Variants in COL19A1 observed in about 807,000 individuals in gnomAD.
COL19A1 encodes the protein collagen alpha-1(XIX) chain.
A neutral mutation model predicts 190.2 loss-of-function variants in COL19A1; 159 were observed. That is an observed-to-expected ratio of 0.84 (90% confidence interval 0.73 to 0.95). The LOEUF (loss-of-function observed/expected upper bound fraction) is 0.95, where lower values mean the gene tolerates loss of function less well. Ranked by LOEUF, COL19A1 falls within the 40% of genes least tolerant of loss-of-function variation. The probability of loss-of-function intolerance (pLI) is 0.00; values close to 1 mark genes in which losing one functional copy is unlikely to be tolerated. For missense variants in COL19A1, 1,418 were observed against 1,431.9 expected, an observed-to-expected ratio of 0.99 and a Z score of 0.16; for synonymous variants, 509 against 458.9, an observed-to-expected ratio of 1.11 and a Z score of -1.39.
rs1343707161 is a variant in COL19A1 at position 70,045,833 on chromosome 6, C to G, written c.1170+9894C>G. On this transcript the variant is annotated intron_variant, in intron 14 of 50. Coordinates refer to ENST00000620364, the MANE Select transcript of COL19A1 (RefSeq NM_001858.6). ...CTGTAGGCTTTCTATTTAGCTAACC[C>G]ATGACCCAGACTTGAGCCTGTCCTC... 2.0e-5 allele frequency among the ~76,000 whole-genome samples: 3 copies of G among 152,210 alleles called. No homozygotes were observed. The East Asian group carries it at 5.8e-4, about 29-fold the overall frequency.
At chr6:70,126,930 A>C (rs1785237853) in intron 17 of COL19A1, among the ~76,000 whole-genome samples, 1 of 152,208 alleles carries the variant, frequency 6.6e-6, no homozygotes, top group African/African-American at 2.4e-5. Flanking sequence ...TGTACCTTTT[A>C]AGTTTTCTAT....
chr6:69,915,538 C>T (rs879560136), intron 4 of COL19A1, among the ~76,000 whole-genome samples: 7 of 152,132 alleles, frequency 4.6e-5, no homozygotes, highest in Non-Finnish European at 7.4e-5. Context: ...AGACCAGATA[C>T]TTCACCTTCA....
At chr6:70,205,327 C>T (rs552553873) in intron 49 of COL19A1, among the ~76,000 whole-genome samples, 1 of 152,088 alleles carries the variant, frequency 6.6e-6, no homozygotes, top group African/African-American at 2.4e-5. Context: ...AAAATGATAA[C>T]CCCTGCTATC....
intron 16 of COL19A1, among the ~76,000 whole-genome samples, chr6:70,115,554 G>A (rs1784513035): frequency 6.6e-6 from 1 of 152,022 alleles, no homozygotes; most frequent in South Asian, 2.1e-4. Flanking sequence ...TAAGACTTTT[G>A]TTAGGACATT....
In COL19A1 at chr6:70,032,707, G is replaced by A. The variant is rs922493348; in HGVS notation, c.1081-1538G>A. 8.6e-5 allele frequency among the ~76,000 whole-genome samples: 13 copies of A among 152,018 alleles called. No homozygotes were observed. In the East Asian group the frequency reaches 1.2e-3, roughly 14 times the overall value. The stretch of plus-strand genomic sequence containing the variant: ...TCATAATACACCTCAATTCAGAGTA[G>A]TCACATTTCAAGAGTTCGAAAGCTA... On this transcript the variant is annotated intron_variant, in intron 12 of 50. Coordinates refer to ENST00000620364, the MANE Select transcript of COL19A1 (RefSeq NM_001858.6).
At chr6:70,127,312 T>C (rs1246459340) in intron 17 of COL19A1, among the ~76,000 whole-genome samples, 1 of 152,146 alleles carries the variant, frequency 6.6e-6, no homozygotes, top group East Asian at 1.9e-4. Context: ...CCAGAATGTC[T>C]TTTGAAGGTA....
At chr6:69,900,213 A>G (rs1429006699) in intron 3 of COL19A1, 26 bp from the exon 4 acceptor site, 20 of 1,394,720 alleles carry the variant, frequency 1.4e-5, no homozygotes, top group Non-Finnish European at 2.0e-5. Flanking sequence ...AGTTTATTAA[A>G]TTGAATCATC....
chr6:70,112,218 TG>T (rs1334914334), intron 16 of COL19A1, among the ~76,000 whole-genome samples: 2 of 152,156 alleles, frequency 1.3e-5, no homozygotes, highest in African/African-American at 4.8e-5. Context: ...GTATGGTTTT[TG>T]TTGGTGGTGA....
chr6:70,009,058 C>G lies in COL19A1; in HGVS notation c.1027-14569C>G, dbSNP rs144017242. ...CAAAAATTGTGAGTATTATCTTTCA[C>G]TTAATGGTGAAAGACTGAACTCTAA... On this transcript the variant is annotated intron_variant, in intron 11 of 50. Coordinates refer to ENST00000620364, the MANE Select transcript of COL19A1 (RefSeq NM_001858.6). 2.8e-3 allele frequency among the ~76,000 whole-genome samples: 429 copies of G among 152,044 alleles called. 3 individuals carry two copies. Among genetic ancestry groups the G allele is most frequent in the African/African-American group, 9.6e-3 (398 of 41,550 alleles).
At chr6:70,031,324 G>A (rs775590462) in intron 12 of COL19A1, among the ~76,000 whole-genome samples, 2 of 151,878 alleles carry the variant, frequency 1.3e-5, no homozygotes, top group Non-Finnish European at 2.9e-5. Flanking sequence ...AGGATGTTTA[G>A]GTTGTCCATT....
At chr6:69,918,676 T>C (rs916083865) in intron 4 of COL19A1, among the ~76,000 whole-genome samples, 3 of 152,018 alleles carry the variant, frequency 2.0e-5, no homozygotes, top group African/African-American at 7.2e-5. Flanking sequence ...TCTGCACTCC[T>C]GCCTGGGTGA....
chr6:69,912,132 C>T (rs1055914854), intron 4 of COL19A1, among the ~76,000 whole-genome samples: 1 of 152,130 alleles, frequency 6.6e-6, no homozygotes, highest in Non-Finnish European at 1.5e-5. Context: ...CTTTTCTGCC[C>T]ATTGGAATCC....
rs1765808047 is a variant in COL19A1 at position 70,176,444 on chromosome 6, A to G, written c.2623-76A>G. The G allele has an allele frequency of 2.7e-6, 4 of 1,477,294 alleles. No individual in the cohort carries two copies. In the Admixed American group the frequency reaches 7.3e-5, roughly 27 times the overall value. The allele number at this position is 1,477,294 out of a possible 1,614,324, so 91.5% of individuals were successfully genotyped here. ...AGGAAAGCTTTACCAAATCCAAATT[A>G]TTATTTGAGAATTAATTTCATAACT... On this transcript the variant is annotated intron_variant, in intron 41 of 50. Transcript: ENST00000620364.
intron 16 of COL19A1, among the ~76,000 whole-genome samples, chr6:70,113,391 A>G (rs1248288661): frequency 1.3e-5 from 2 of 152,200 alleles, no homozygotes; most frequent in Admixed American, 1.3e-4. Context: ...GCACTATTGT[A>G]GTCTTAAGTG....
intron 11 of COL19A1, among the ~76,000 whole-genome samples, chr6:69,970,984 G>A (rs1368886630): frequency 6.6e-6 from 1 of 152,098 alleles, no homozygotes; most frequent in African/African-American, 2.4e-5. Context: ...CCACAGCCAA[G>A]CCAGAGGCTT....
At chr6:70,110,052 T>A (rs1301166209) in intron 16 of COL19A1, among the ~76,000 whole-genome samples, 5 of 152,200 alleles carry the variant, frequency 3.3e-5, no homozygotes, top group Admixed American at 2.6e-4. Context: ...AGGAAAGTTA[T>A]TATTTTCAGC....
chr6:70,100,558 A>G (rs1325796294), intron 15 of COL19A1, among the ~76,000 whole-genome samples: 1 of 140,812 alleles, frequency 7.1e-6, no homozygotes, highest in Non-Finnish European at 1.5e-5. Flanking sequence ...TTTTTGAGAC[A>G]GAGTCTCTGT....
chr6:69,908,799 G>A (rs1770718470), intron 4 of COL19A1, among the ~76,000 whole-genome samples: 1 of 152,090 alleles, frequency 6.6e-6, no homozygotes, highest in Non-Finnish European at 1.5e-5. Flanking sequence ...TTAATCATAT[G>A]TGTATAAATT....
At chr6:70,078,747 A>G (rs995832852) in intron 15 of COL19A1, among the ~76,000 whole-genome samples, 2 of 152,154 alleles carry the variant, frequency 1.3e-5, no homozygotes, top group African/African-American at 4.8e-5. Context: ...AAGTGAAGAC[A>G]TGATTTTAAA....
Sources: gnomAD v4.1 joint callset for allele counts (sites outside exome capture counted in the v4.1 genomes callset) on GRCh38, gnomAD v4.1.1 for gene constraint, MANE v1.5 for transcripts, NCBI Gene and HGNC (gene_info 2026-07-23, HGNC 2026-07-21) for gene names.